The following FAM78B variants were observed in gnomAD, a reference collection of about 807,000 sequenced individuals.
FAM78B encodes the protein protein FAM78B.
A neutral mutation model predicts 20.0 loss-of-function variants in FAM78B; 10 were observed. The ratio of observed to expected loss-of-function variants is 0.50; its 90% CI spans 0.31 to 0.85. FAM78B has a LOEUF of 0.85. FAM78B is among the 40% of genes least tolerant of loss of function. The pLI is 0.05. For synonymous variants in FAM78B, 135 were observed against 132.8 expected (o/e 1.02, Z -0.12); for missense variants, 283 against 345.0 (o/e 0.82, Z 1.42).
intron 1 of FAM78B, among the ~76,000 whole-genome samples, chr1:166,083,992 A>T (rs1652689630): frequency 6.6e-6 from 1 of 151,976 alleles, no homozygotes. Flanking sequence ...GCAAGTAAGA[A>T]CTGAGTATTT....
intron 1 of FAM78B, among the ~76,000 whole-genome samples, chr1:166,084,965 T>G (rs1652765223): frequency 6.6e-6 from 1 of 152,212 alleles, no homozygotes; most frequent in South Asian, 2.1e-4. Context: ...TTCTTCTTAT[T>G]TTTTTCCCTT....
At chr1:166,080,340 CCCA>C (rs71791736) in intron 1 of FAM78B, among the ~76,000 whole-genome samples, 29,352 of 152,082 alleles carry the variant, frequency 0.19, 3,162 homozygotes, top group Middle Eastern at 0.34. Context: ...TCCTCAGCTA[CCCA>C]CCACCATGTC....
At chr1:166,137,958 A>C (rs998255418) in intron 1 of FAM78B, among the ~76,000 whole-genome samples, 1 of 152,232 alleles carries the variant, frequency 6.6e-6, no homozygotes, top group Non-Finnish European at 1.5e-5. Context: ...GGCATGTCTC[A>C]GAACAGAGCA....
intron 1 of FAM78B, among the ~76,000 whole-genome samples, chr1:166,125,263 TAAATA>T (rs1451514345): frequency 0.013 from 1,964 of 152,296 alleles, 23 homozygotes; most frequent in South Asian, 0.028. Context: ...TGTCTTTCCT[TAAATA>T]AGCCATTGGA....
Position 166,070,079 on chromosome 1 carries a change from A to G in FAM78B, c.*162T>C. On this transcript the variant is annotated 3_prime_UTR_variant, in exon 2 of 2. Coordinates refer to ENST00000354422, the MANE Select transcript of FAM78B (RefSeq NM_001017961.5). ...GATTTTTCCTAAGGATTATGGTTCT[A>G]CCACCCAAGGAGCAGCCCTACTCTT... is the stretch of plus-strand genomic sequence containing the variant. 5.3e-6 allele frequency: 7 copies of G among 1,309,070 alleles called. No homozygotes were observed. The South Asian group carries it at 2.2e-4, about 42-fold the overall frequency. 81.1% of individuals were successfully genotyped at this position (1,309,070 alleles called of 1,614,324 possible). A position where few individuals can be genotyped will look rare whatever the true frequency, so the allele number is the denominator to read the frequency against.
At chr1:166,104,258 G>C (rs1307473651) in intron 1 of FAM78B, among the ~76,000 whole-genome samples, 1 of 152,146 alleles carries the variant, frequency 6.6e-6, no homozygotes, top group South Asian at 2.1e-4. Flanking sequence ...TATTGAATGG[G>C]CAAAAACTAG....
Position 166,136,077 on chromosome 1 carries a change from C to A in FAM78B, c.263+29909G>T, listed in dbSNP as rs142726294. 1.7e-3 allele frequency among the ~76,000 whole-genome samples: 262 copies of A among 152,196 alleles called. 1 individual carries two copies. Among genetic ancestry groups the A allele is most frequent in the African/African-American group, 6.1e-3 (255 of 41,534 alleles). ...TTTCAAACAGTTCTTTTAAAGGGGA[C>A]TTGTCACTCATGAGTATTCTAGGTG... is the stretch of plus-strand genomic sequence containing the variant. On this transcript the variant is annotated intron_variant, in intron 1 of 1. Transcript: ENST00000354422.
At chr1:166,077,867 TATATAATTATATATATA>T (rs1174967760) in intron 1 of FAM78B, among the ~76,000 whole-genome samples, 1 of 21,526 alleles carries the variant, frequency 4.6e-5, no homozygotes. Context: ...ATAATTTATA[TATATAATTATATATATA>T]ATAAATATAT....
chr1:166,135,042 C>A (rs889276552), intron 1 of FAM78B, among the ~76,000 whole-genome samples: 1 of 152,052 alleles, frequency 6.6e-6, no homozygotes, highest in East Asian at 1.9e-4. Flanking sequence ...ACAATGAAAA[C>A]AGGTATGTTA....
At chr1:166,116,390 A>G (rs4657517) in intron 1 of FAM78B, among the ~76,000 whole-genome samples, 151,359 of 152,298 alleles carry the variant, frequency 0.99, 75,216 homozygotes, top group Middle Eastern at 1. Flanking sequence ...GGGGGATGCT[A>G]TTCCCACATA....
intron 1 of FAM78B, among the ~76,000 whole-genome samples, chr1:166,074,114 T>C (rs1652163793): frequency 6.6e-6 from 1 of 152,228 alleles, no homozygotes. Context: ...TCATGCTCTT[T>C]CTATACATAA....
intron 1 of FAM78B, among the ~76,000 whole-genome samples, chr1:166,123,019 C>G (rs1654516199): frequency 6.6e-6 from 1 of 152,104 alleles, no homozygotes; most frequent in African/African-American, 2.4e-5. Flanking sequence ...AGGGGCTACT[C>G]TAAGAAAGGC....
chr1:166,074,811 C>G (rs1369108965), intron 1 of FAM78B, among the ~76,000 whole-genome samples: 3 of 152,132 alleles, frequency 2.0e-5, no homozygotes, highest in African/African-American at 7.2e-5. Context: ...AGTGACTACT[C>G]GTGCCATCAT....
chr1:166,159,132 GA>G (rs1656035250), intron 1 of FAM78B, among the ~76,000 whole-genome samples: 1 of 152,222 alleles, frequency 6.6e-6, no homozygotes, highest in Non-Finnish European at 1.5e-5. Flanking sequence ...AAGCTTTGAG[GA>G]AAAGAGCTAG....
chr1:166,057,176 T>C (rs1478397986), downstream of FAM78B, among the ~76,000 whole-genome samples: 2 of 152,358 alleles, frequency 1.3e-5, no homozygotes, highest in African/African-American at 4.8e-5. Flanking sequence ...AAGCGTGTCA[T>C]TAGGGAGAAG....
At chr1:166,066,886 T>A (rs1041923891), downstream of FAM78B, among the ~76,000 whole-genome samples, 2 of 152,138 alleles carry the variant, frequency 1.3e-5, no homozygotes, top group Non-Finnish European at 2.9e-5. Context: ...TCGGGAGATG[T>A]GCTTGGCTCT....
chr1:166,166,699 G>GGCAGCA lies in FAM78B; in HGVS notation c.-457_-452dup, dbSNP rs1165557215. 1.3e-5 allele frequency: 2 copies of GGCAGCA among 149,540 alleles called. No individual in the cohort carries two copies. Among genetic ancestry groups the GGCAGCA allele is most frequent in the African/African-American group, 4.9e-5 (2 of 41,102 alleles). The allele number at this position is 149,540 out of a possible 1,614,324, so 9.3% of individuals were successfully genotyped here. A position where few individuals can be genotyped will look rare whatever the true frequency, so the allele number is the denominator to read the frequency against. On this transcript the variant is annotated 5_prime_UTR_variant, in exon 1 of 2. Transcript: ENST00000354422. ...CGCCCGGTCTGTCTGCCTCCGCGGC[G>GGCAGCA]GCAGCAGCAGCAGCCGCCGCCGCCG...
chr1:166,138,160 C>T (rs747095099), intron 1 of FAM78B, among the ~76,000 whole-genome samples: 25 of 152,222 alleles, frequency 1.6e-4, no homozygotes, highest in East Asian at 9.7e-4. Context: ...CTAGAGGGGA[C>T]GGAGGCTGGG....
intron 1 of FAM78B, among the ~76,000 whole-genome samples, chr1:166,101,829 C>T (rs1438196458): frequency 1.3e-5 from 2 of 152,058 alleles, no homozygotes; most frequent in East Asian, 1.9e-4. Context: ...GTAAGGCAGG[C>T]CAACATTCAA....
Sources: gnomAD v4.1 joint callset for allele counts (sites outside exome capture counted in the v4.1 genomes callset) on GRCh38, gnomAD v4.1.1 for gene constraint, MANE v1.5 for transcripts, NCBI Gene and HGNC (gene_info 2026-07-23, HGNC 2026-07-21) for gene names.